PLD2: variants seen among roughly 807,000 people sequenced by gnomAD.
PLD2 encodes the protein choline phosphatase 2.
A neutral mutation model predicts 119.8 loss-of-function variants in PLD2; 101 were observed. The ratio of observed to expected loss-of-function variants is 0.84; its 90% CI spans 0.72 to 0.99. The LOEUF is 0.99. PLD2 is among the 50% of genes least tolerant of loss of function. The probability of loss-of-function intolerance (pLI) is 0.00; values close to 1 mark genes in which losing one functional copy is unlikely to be tolerated. For missense variants in PLD2, 1,164 were observed against 1,226.8 expected (o/e 0.95, Z 0.76); for synonymous variants, 494 against 482.8 (o/e 1.02, Z -0.30).
intron 10 of PLD2, among the ~76,000 whole-genome samples, chr17:4,813,462 A>G (rs762763206): frequency 3.3e-4 from 50 of 152,246 alleles, no homozygotes; most frequent in Non-Finnish European, 5.3e-4. Flanking sequence ...CTTACAAACA[A>G]TGTGATGAAC....
chr17:4,814,484 T>C lies in PLD2; in HGVS notation c.1077T>C (p.Ile359=). ...CCATCCTTCGAGCTCAAGAGGAGAT[T>C]TTCATCACAGACTGGTGGTGAGTGG... ...ADAILRAQEE[I]FITDWWLSPE... is the part of the protein sequence containing the mutation. Residue 359 remains isoleucine (I), a synonymous_variant, in exon 11 of 25, where the codon ATT becomes ATC. Transcript: ENST00000263088. 6.2e-7 allele frequency: 1 copy of C among 1,613,390 alleles called. No individual in the cohort carries two copies. The highest frequency in any genetic ancestry group is 8.5e-7 in the Non-Finnish European group (1 of 1,179,796).
In PLD2 at chr17:4,817,983, C is replaced by T. The variant is rs763587538; in HGVS notation, c.1816-19C>T. On this transcript the variant is annotated intron_variant, in intron 17 of 24. Transcript: ENST00000263088. The stretch of plus-strand genomic sequence containing the variant: ...AAAAAAGAAAAGAAATGAAGCACAT[C>T]GCATTCACCATTCCCTAGGTCTTGC... 13 of 1,542,004 alleles carry T rather than the reference C, an allele frequency of 8.4e-6. No individual in the cohort carries two copies. Among genetic ancestry groups the T allele is most frequent in the African/African-American group, 5.4e-5 (4 of 73,462 alleles).
At position 4,809,136 on chromosome 17, in the gene PLD2, C is replaced by T; in HGVS notation, c.420C>T (p.Gly140=). 1 of 1,614,158 alleles carries T rather than the reference C, an allele frequency of 6.2e-7. No individual in the cohort carries two copies. Among genetic ancestry groups the T allele is most frequent in the Non-Finnish European group, 8.5e-7 (1 of 1,180,012 alleles). The change falls in exon 5 of 25, where the codon GGC becomes GGT. Residue 140 remains glycine, a synonymous_variant. Coordinates refer to ENST00000263088, the MANE Select transcript of PLD2 (RefSeq NM_002663.5). ...AVAYSPARDA[G]NREMPSLPRA... ...CCTATTCTCCAGCCCGAGATGCAGG[C>T]AACAGAGAGATGCCCTCTCTACCCC...
At chr17:4,822,511 A>C (rs1450792637) in intron 24 of PLD2, 129 bp from the exon 25 acceptor site, 3 of 593,140 alleles carry the variant, frequency 5.1e-6, no homozygotes, top group African/African-American at 3.9e-5. Context: ...AAAGAGAGAG[A>C]GAGTTAGTGG....
intron 10 of PLD2, 198 bp from the exon 11 acceptor site, chr17:4,814,220 C>CTTTT: frequency 1.4e-6 from 1 of 694,382 alleles, no homozygotes; most frequent in South Asian, 2.0e-5. Context: ...GTTATTGTGT[C>CTTTT]TTTTTGTAAT....
At chr17:4,815,691 C>T (rs1906896997) in intron 13 of PLD2, 73 bp from the exon 14 acceptor site, 1 of 1,599,378 alleles carries the variant, frequency 6.3e-7, no homozygotes, top group African/African-American at 1.3e-5. Context: ...TCCATCTTTC[C>T]TCTCTCCCTC....
rs1907216699 is a variant in PLD2 at position 4,818,086 on chromosome 17, C to A, written c.1900C>A (p.Gln634Lys). 2 of 1,613,074 alleles carry A rather than the reference C, an allele frequency of 1.2e-6. No homozygotes were observed. Among genetic ancestry groups the A allele is most frequent in the African/African-American group, 2.7e-5 (2 of 74,926 alleles). ...NAYLHTIRES[Q>K]HFLYIENQFF... Reference sequence around the variant, plus strand: ...CTACCTGCACACCATCAGGGAGAGCCAGCACTTCCTCTACATTGAGGTCTG... The same window carrying A: ...CTACCTGCACACCATCAGGGAGAGCAAGCACTTCCTCTACATTGAGGTCTG... Residue 634 changes from glutamine to lysine, a missense_variant, in exon 18 of 25, where the codon CAG becomes AAG. Physicochemically the swap from Gln to Lys is moderately conservative, Grantham distance 53 (BLOSUM62 1). Transcript: ENST00000263088.
At chr17:4,815,384 G>A in intron 12 of PLD2, 92 bp from the exon 13 acceptor site, 1 of 791,158 alleles carries the variant, frequency 1.3e-6, no homozygotes, top group Non-Finnish European at 2.3e-6. Context: ...CTCCAGACAA[G>A]CTGGAGGGAC....
chr17:4,809,816 G>A, intron 8 of PLD2, 33 bp downstream of exon 8: 2 of 1,614,048 alleles, frequency 1.2e-6, no homozygotes, highest in Non-Finnish European at 1.7e-6. Flanking sequence ...TGGGCAGTGG[G>A]TGGGGGTGAG....
chr17:4,822,533 CG>C, intron 24 of PLD2, 106 bp from the exon 25 acceptor site: 1 of 684,102 alleles, frequency 1.5e-6, no homozygotes, highest in East Asian at 2.7e-5. Flanking sequence ...CCAGGGTCAA[CG>C]GGGGGTATGG....
intron 10 of PLD2, among the ~76,000 whole-genome samples, chr17:4,811,509 C>CGGTTCTCGAACTCCTGACT (rs1906476516): frequency 6.6e-6 from 1 of 150,738 alleles, no homozygotes; most frequent in African/African-American, 2.4e-5. Flanking sequence ...AACTCCTGAC[C>CGGTTCTCGAACTCCTGACT]TCGGGTGATC....
Position 4,818,528 on chromosome 17 carries a change from C to T in PLD2, c.2044C>T (p.Pro682Ser). ...GTGTTACCGAGTCTACGTGCTTTTG[C>T]CCTTACTCCCTGGCTTCGAGGGTGA... The part of the protein sequence containing the change: ...GWCYRVYVLL[P>S]LLPGFEGDIS... The change falls in exon 20 of 25, where the codon CCC (proline) becomes TCC (serine). Residue 682 changes from proline to serine, a missense_variant. By Grantham distance (74) the Pro-to-Ser change is moderately conservative. Transcript: ENST00000263088. 1 of 1,613,968 alleles carries T rather than the reference C, an allele frequency of 6.2e-7. No individual in the cohort carries two copies. The highest frequency in any genetic ancestry group is 8.5e-7 in the Non-Finnish European group (1 of 1,179,900).
rs771457886 is a variant in PLD2, at chr17:4,809,487, C to T, written c.556-6C>T. 10 of 1,607,692 alleles carry T rather than the reference C, an allele frequency of 6.2e-6. No homozygotes were observed. The highest frequency in any genetic ancestry group is 3.4e-5 in the Admixed American group (2 of 58,830). ...GTCTCCTCCGGGCTTTTGTTTTCCT[C>T]TGCAGACAGAGTTCCTGGAAGTCAG... is the stretch of plus-strand genomic sequence containing the variant. On this transcript the variant is annotated splice_region_variant and splice_polypyrimidine_tract_variant and intron_variant, in intron 6 of 24. Coordinates refer to ENST00000263088, the MANE Select transcript of PLD2 (RefSeq NM_002663.5).
rs769586160 is a variant in PLD2, at chr17:4,818,621, C to G, written c.2123+14C>G. ...CTTTACTTACAGGTGACCCCCCAGG[C>G]GGACTCCAGCTCTCAGTGGCCCCAT... On this transcript the variant is annotated intron_variant, in intron 20 of 24. Coordinates refer to ENST00000263088, the MANE Select transcript of PLD2 (RefSeq NM_002663.5). 1 of 1,587,558 alleles carries G rather than the reference C, an allele frequency of 6.3e-7. No homozygotes were observed. The highest frequency in any genetic ancestry group is 8.7e-7 in the Non-Finnish European group (1 of 1,155,912).
intron 10 of PLD2, among the ~76,000 whole-genome samples, chr17:4,812,917 G>T (rs561710166): frequency 1.3e-5 from 2 of 152,320 alleles, no homozygotes; most frequent in East Asian, 3.9e-4. Context: ...CTGGGAGTCA[G>T]TGGCACCTGA....
Position 4,822,710 on chromosome 17 carries a change from C to A in PLD2, c.2648C>A (p.Pro883His), listed in dbSNP as rs1280358832. 1.2e-6 allele frequency: 2 copies of A among 1,613,984 alleles called. No individual in the cohort carries two copies. The highest frequency in any genetic ancestry group is 2.7e-5 in the African/African-American group (2 of 74,928). The change falls in exon 25 of 25, where the codon CCC becomes CAC. Residue 883 changes from proline to histidine, a missense_variant. Pro to His is a moderately conservative substitution (Grantham distance 77). Coordinates refer to ENST00000263088, the MANE Select transcript of PLD2 (RefSeq NM_002663.5). ...RTLREYVAVE[P>H]LATVSPPLAR... is the part of the protein sequence containing the mutation. ...CTCCGGGAGTACGTGGCCGTGGAGC[C>A]CTTGGCCACGGTCAGTCCCCCCTTG...
At position 4,808,559 on chromosome 17, in the gene PLD2, T is replaced by C; in HGVS notation, c.383+143T>C. ...CCCTGACCCCAGTTACCAGGAAACT[T>C]TCCCTGCTCAGCTTTCCCTGTCCAT... is the stretch of plus-strand genomic sequence containing the variant. On this transcript the variant is annotated intron_variant, in intron 4 of 24. Transcript: ENST00000263088. The surrounding 1 kb of genome is among the most constrained non-coding windows in gnomAD (Gnocchi z 4.1). The C allele has an allele frequency of 6.5e-6, 5 of 766,314 alleles. No homozygotes were observed. The highest frequency in any genetic ancestry group is 1.1e-5 in the Non-Finnish European group (5 of 464,486). The allele number at this position is 766,314 out of a possible 1,614,324, so 47.5% of individuals were successfully genotyped here.
intron 23 of PLD2, among the ~76,000 whole-genome samples, chr17:4,820,292 G>A (rs1254196993): frequency 2.1e-5 from 3 of 141,994 alleles, no homozygotes; most frequent in Non-Finnish European, 3.1e-5. Flanking sequence ...GTTGAGACAC[G>A]GTTTCACTCT....
intron 10 of PLD2, 129 bp from the exon 11 acceptor site, chr17:4,814,289 G>C: frequency 7.0e-7 from 1 of 1,425,740 alleles, no homozygotes; most frequent in Non-Finnish European, 9.4e-7. Flanking sequence ...GATACCACTT[G>C]TGTTCTCTGA....
Sources: gnomAD v4.1 joint callset for allele counts (sites outside exome capture counted in the v4.1 genomes callset) on GRCh38, gnomAD v4.1.1 for gene constraint, Gnocchi (gnomAD v3.1) non-coding constraint, MANE v1.5 for transcripts, NCBI Gene and HGNC (gene_info 2026-07-23, HGNC 2026-07-21) for gene names.